Variants in NHS observed in about 807,000 individuals in gnomAD.
NHS encodes the protein actin remodeling regulator NHS.
A neutral mutation model predicts 72.5 loss-of-function variants in NHS; 5 were observed. That is an observed-to-expected ratio of 0.07 (90% confidence interval 0.04 to 0.14). The LOEUF (loss-of-function observed/expected upper bound fraction) is 0.14. Among genes scored for constraint, NHS ranks in the 10% least tolerant of loss-of-function variants. The pLI, the probability that NHS is intolerant of heterozygous loss-of-function variation, is 1.00. For missense variants in NHS, 1,072 were observed against 1,355.7 expected (o/e 0.79, Z 3.29); for synonymous variants, 464 against 547.7 (o/e 0.85, Z 2.13).
rs184792206 is a variant in NHS, at chrX:17,389,171, A to T, written c.565+12849A>T. Among the ~76,000 whole-genome samples, 7 of 112,255 alleles carry T rather than the reference A, an allele frequency of 6.2e-5. No individual in the cohort carries two copies. The East Asian group carries it at 2.0e-3, about 31-fold the overall frequency. On this transcript the variant is annotated intron_variant, in intron 1 of 8. Transcript: ENST00000676302. The stretch of plus-strand genomic sequence containing the variant: ...AATTTACATGCAGTGAAATGTACAG[A>T]TCTTGATGAGTTTTAACAGCTGTAT...
At chrX:17,719,982 C>A (rs1427006185) in intron 4 of NHS, among the ~76,000 whole-genome samples, 2 of 111,191 alleles carry the variant, frequency 1.8e-5, no homozygotes, top group Admixed American at 1.9e-4. Context: ...ATCAGTTTCT[C>A]TCTCTCTCTC....
At chrX:17,488,642 A>G (rs2064977012) in intron 1 of NHS, among the ~76,000 whole-genome samples, 1 of 112,308 alleles carries the variant, frequency 8.9e-6, no homozygotes, top group Non-Finnish European at 1.9e-5. Flanking sequence ...AGTTATGCAA[A>G]TATGAATTTG....
intron 1 of NHS, among the ~76,000 whole-genome samples, chrX:17,656,203 G>A (rs1369202499): frequency 8.8e-6 from 1 of 113,012 alleles, no homozygotes; most frequent in South Asian, 3.6e-4. Context: ...GCGCGCCCAG[G>A]GCGCACGGGC....
At chrX:17,622,319 G>A (rs912106016) in intron 1 of NHS, among the ~76,000 whole-genome samples, 3 of 112,616 alleles carry the variant, frequency 2.7e-5, no homozygotes, top group Non-Finnish European at 3.8e-5. Context: ...GCAGCTTCCC[G>A]TGCCCATTTA....
intron 1 of NHS, among the ~76,000 whole-genome samples, chrX:17,383,114 C>T (rs2064386413): frequency 1.8e-5 from 2 of 112,157 alleles, no homozygotes; most frequent in Admixed American, 1.9e-4. Context: ...TCTTTGCTGT[C>T]TTCCTTTCTC....
chrX:17,682,088 C>G (rs1019097651), intron 1 of NHS, among the ~76,000 whole-genome samples: 2 of 110,577 alleles, frequency 1.8e-5, no homozygotes, highest in African/African-American at 6.6e-5. Context: ...GTACTTTACC[C>G]TGTTCCTTCC....
At chrX:17,385,671 A>G (rs1407195424) in intron 1 of NHS, among the ~76,000 whole-genome samples, 1 of 111,924 alleles carries the variant, frequency 8.9e-6, no homozygotes, top group Non-Finnish European at 1.9e-5. Flanking sequence ...ACGTGCTCAA[A>G]GCATTTAACC....
intron 2 of NHS, among the ~76,000 whole-genome samples, chrX:17,688,926 T>G (rs1363425741): frequency 6.2e-5 from 7 of 112,214 alleles, no homozygotes; most frequent in African/African-American, 2.3e-4. Flanking sequence ...GAAGGGGACA[T>G]GTCAGCTTTT....
chrX:17,559,772 G>T (rs1438770285), intron 1 of NHS, among the ~76,000 whole-genome samples: 1 of 111,585 alleles, frequency 9.0e-6, no homozygotes, highest in Non-Finnish European at 1.9e-5. Flanking sequence ...TGGGAACCAA[G>T]GTGTAAATAT....
In NHS at chrX:17,732,240, C is replaced by T. The variant is rs1446278258; in HGVS notation, c.4732C>T (p.Pro1578Ser). The part of the protein sequence containing the change: ...QGAEALSPLS[P>S]CSPRVNAEGF... ...GGCTGAGGCATTGTCCCCACTCTCT[C>T]CATGCTCCCCACGAGTTAATGCAGA... The change falls in exon 9 of 9, where the codon CCA becomes TCA. Residue 1578 changes from proline (P) to serine (S), a missense_variant. Pro to Ser is a moderately conservative substitution (Grantham distance 74, BLOSUM62 -1). Transcript: ENST00000676302. 3 of 1,210,421 alleles carry T rather than the reference C, an allele frequency of 2.5e-6. No homozygotes were observed. The highest frequency in any genetic ancestry group is 1.7e-5 in the African/African-American group (1 of 57,255).
intron 1 of NHS, among the ~76,000 whole-genome samples, chrX:17,623,492 A>AG (rs1212610706): frequency 9.1e-6 from 1 of 109,952 alleles, no homozygotes; most frequent in Non-Finnish European, 1.9e-5. Flanking sequence ...GGATGGGGGT[A>AG]GGGGGGAGGT....
intron 1 of NHS, among the ~76,000 whole-genome samples, chrX:17,521,466 G>T (rs184803464): frequency 9.2e-6 from 1 of 108,618 alleles, no homozygotes; most frequent in Non-Finnish European, 1.9e-5. Context: ...GGGCTCAAGC[G>T]ATCCTCCTAC....
intron 3 of NHS, among the ~76,000 whole-genome samples, chrX:17,718,440 AAGG>A (rs1444578206): frequency 1.0e-5 from 1 of 96,914 alleles, no homozygotes; most frequent in Non-Finnish European, 2.1e-5. Flanking sequence ...GAAAGGAAGG[AAGG>A]AGAGAAGGAA....
In NHS at chrX:17,712,253, GTATATATATATATA is replaced by G. The variant is rs1216194040; in HGVS notation, c.853-7066_853-7053del. Among the ~76,000 whole-genome samples, 147 of 50,151 alleles carry G rather than the reference GTATATATATATATA, an allele frequency of 2.9e-3. 1 individual carries two copies. The highest frequency in any genetic ancestry group is 8.6e-3 in the African/African-American group (128 of 14,870). The allele number at this position is 50,151 out of a possible 115,157, so 43.6% of individuals were successfully genotyped here. ...ATGCTTATTGGCCTTTTGTGTGTGT[GTATATATATATATA>G]TATATATATATATATATATATATAC... On this transcript the variant is annotated intron_variant, in intron 3 of 8. Coordinates refer to ENST00000676302, the MANE Select transcript of NHS (RefSeq NM_001291867.2).
In NHS at chrX:17,650,938, C is replaced by T. The variant is rs1324323311; in HGVS notation, c.566-36804C>T. Among the ~76,000 whole-genome samples the T allele has an allele frequency of 2.9e-4, 32 of 111,746 alleles. No homozygotes were observed. The Admixed American group carries it at 3.0e-3, about 11-fold the overall frequency. On this transcript the variant is annotated intron_variant, in intron 1 of 8. Coordinates refer to ENST00000676302, the MANE Select transcript of NHS (RefSeq NM_001291867.2). ...GAACTGGAATCTGTATCGTGGAGTCCCCCAAGATGGCTAGTAGAAGAATGA... is the reference window on the plus strand; with the variant it reads ...GAACTGGAATCTGTATCGTGGAGTCTCCCAAGATGGCTAGTAGAAGAATGA...
intron 1 of NHS, among the ~76,000 whole-genome samples, chrX:17,581,046 C>T (rs1375727032): frequency 2.7e-5 from 3 of 111,261 alleles, no homozygotes; most frequent in South Asian, 3.8e-4. Context: ...GGGTGGCTCT[C>T]GAGCACAGTG....
At chrX:17,604,519 A>T (rs771334901) in intron 1 of NHS, among the ~76,000 whole-genome samples, 2 of 112,006 alleles carry the variant, frequency 1.8e-5, no homozygotes, top group Non-Finnish European at 3.8e-5. Context: ...GCGATCCTTT[A>T]TAGGGCAGGC....
In NHS at chrX:17,479,710, G is replaced by A. The variant is rs760243649; in HGVS notation, c.565+103388G>A. On this transcript the variant is annotated intron_variant, in intron 1 of 8. Transcript: ENST00000676302. ...AAATGTCTTCTTTTGAGAAGTGTCT[G>A]TTCATATCCTTCGCCTACTTTTTGA... is the stretch of plus-strand genomic sequence containing the variant. Among the ~76,000 whole-genome samples, 32 of 111,949 alleles carry A rather than the reference G, an allele frequency of 2.9e-4. No individual in the cohort carries two copies. The East Asian group carries it at 8.5e-3, about 30-fold the overall frequency.
intron 1 of NHS, among the ~76,000 whole-genome samples, chrX:17,646,306 C>T (rs1001332673): frequency 1.3e-4 from 14 of 111,687 alleles, no homozygotes; most frequent in Non-Finnish European, 2.4e-4. Flanking sequence ...CCAAACTGTG[C>T]CTTGATTCTC....
Sources: gnomAD v4.1 joint callset for allele counts (sites outside exome capture counted in the v4.1 genomes callset) on GRCh38, gnomAD v4.1.1 for gene constraint, MANE v1.5 for transcripts, NCBI Gene and HGNC (gene_info 2026-07-23, HGNC 2026-07-21) for gene names.